ROCK2: variants seen among roughly 807,000 people sequenced by gnomAD.
The protein encoded by ROCK2 is Rho associated coiled-coil containing protein kinase 2, also known as rho-associated protein kinase 2.
A neutral mutation model predicts 195.1 loss-of-function variants in ROCK2; 61 were observed. The ratio of observed to expected loss-of-function variants is 0.31; its 90% CI spans 0.25 to 0.39. The LOEUF is 0.39. Among genes scored for constraint, ROCK2 ranks in the 10% least tolerant of loss-of-function variants. The probability of loss-of-function intolerance (pLI) is 1.00; values close to 1 mark genes in which losing one functional copy is unlikely to be tolerated. For missense variants in ROCK2, 1,109 were observed against 1,637.4 expected (o/e 0.68, Z 5.57); for synonymous variants, 504 against 545.5 (o/e 0.92, Z 1.06).
intron 17 of ROCK2, among the ~76,000 whole-genome samples, chr2:11,213,475 T>G (rs1475913291): frequency 2.0e-5 from 3 of 151,818 alleles, no homozygotes; most frequent in Non-Finnish European, 4.4e-5. Flanking sequence ...CCTTTTTCTT[T>G]TTTAAGTTTC....
chr2:11,284,179 T>C (rs1211210745), intron 3 of ROCK2, among the ~76,000 whole-genome samples: 1 of 152,148 alleles, frequency 6.6e-6, no homozygotes, highest in Non-Finnish European at 1.5e-5. Flanking sequence ...ATGATTCCAA[T>C]TACATGACAT....
rs192299087 is a variant in ROCK2, at chr2:11,342,206, G to T, written c.141+1790C>A. 1.5e-3 allele frequency among the ~76,000 whole-genome samples: 225 copies of T among 152,246 alleles called. 2 individuals carry two copies. Among genetic ancestry groups the T allele is most frequent in the Admixed American group, 0.013 (199 of 15,294 alleles). On this transcript the variant is annotated intron_variant, in intron 1 of 32. Transcript: ENST00000315872. ...AAGCATATTTAACCAACTAGAAACA[G>T]CAATAACAGAGTCTGTCAAGTCATC...
At chr2:11,254,075 A>C (rs1665929425) in intron 3 of ROCK2, among the ~76,000 whole-genome samples, 1 of 152,234 alleles carries the variant, frequency 6.6e-6, no homozygotes, top group Non-Finnish European at 1.5e-5. Context: ...GGAAAATACA[A>C]ATAAGTCCCA....
intron 27 of ROCK2, among the ~76,000 whole-genome samples, chr2:11,196,814 C>CTGGTA (rs962686153): frequency 6.6e-6 from 1 of 152,070 alleles, no homozygotes; most frequent in Non-Finnish European, 1.5e-5. Context: ...TAGAGGAACG[C>CTGGTA]TGGTAGGTGA....
At chr2:11,271,451 T>C (rs1262505357) in intron 3 of ROCK2, among the ~76,000 whole-genome samples, 1 of 152,252 alleles carries the variant, frequency 6.6e-6, no homozygotes, top group Non-Finnish European at 1.5e-5. Flanking sequence ...AATTTCTGCT[T>C]ATGAATCCTG....
intron 3 of ROCK2, among the ~76,000 whole-genome samples, chr2:11,281,018 A>C (rs762939610): frequency 1.3e-5 from 2 of 152,060 alleles, no homozygotes; most frequent in Non-Finnish European, 1.5e-5. Flanking sequence ...AAATCCAACA[A>C]TGTATTATGC....
rs754004987 is a variant in ROCK2, at chr2:11,216,210, A to T, written c.1413-4T>A. ...TTCTAGGCGAGTATTAACAGATCTA[A>T]AGAATTTCAGAAAGAAACAGTAAAT... is the stretch of plus-strand genomic sequence containing the variant. On this transcript the variant is annotated splice_polypyrimidine_tract_variant and splice_region_variant and intron_variant, in intron 12 of 32. Transcript: ENST00000315872. 6.2e-7 allele frequency: 1 copy of T among 1,604,264 alleles called. No homozygotes were observed. The highest frequency in any genetic ancestry group is 1.1e-5 in the South Asian group (1 of 90,456).
chr2:11,266,858 T>C (rs1161308102), intron 3 of ROCK2, among the ~76,000 whole-genome samples: 1 of 152,216 alleles, frequency 6.6e-6, no homozygotes, highest in Non-Finnish European at 1.5e-5. Context: ...ATCAGATTAA[T>C]GGAATGTTAA....
chr2:11,215,271 C>T (rs752373002), intron 15 of ROCK2, 50 bp downstream of exon 15: 12 of 1,450,196 alleles, frequency 8.3e-6, no homozygotes, highest in East Asian at 2.3e-5. Flanking sequence ...CTAATGTTAT[C>T]GCGTTAAAAA....
chr2:11,287,255 G>C (rs1667229089), intron 2 of ROCK2, among the ~76,000 whole-genome samples: 3 of 152,044 alleles, frequency 2.0e-5, no homozygotes, highest in African/African-American at 7.2e-5. Flanking sequence ...CCACACATAT[G>C]GTAATAATAG....
At chr2:11,219,834 C>T (rs1212725811) in intron 9 of ROCK2, among the ~76,000 whole-genome samples, 1 of 148,364 alleles carries the variant, frequency 6.7e-6, no homozygotes, top group East Asian at 2.0e-4. Context: ...CAACAATCAT[C>T]TGTTGATTAT....
chr2:11,271,778 A>G (rs12475627), intron 3 of ROCK2, among the ~76,000 whole-genome samples: 61,437 of 151,940 alleles, frequency 0.4, 12,667 homozygotes, highest in East Asian at 0.59. Flanking sequence ...CTGTAATCCC[A>G]GCACTTTGGG....
chr2:11,183,577 T>C, intron 32 of ROCK2, 137 bp from the exon 33 acceptor site: 1 of 598,378 alleles, frequency 1.7e-6, no homozygotes, highest in Non-Finnish European at 2.9e-6. Context: ...ACTAAAATCA[T>C]GCATAAACAT....
rs1489158220 is a variant in ROCK2, at chr2:11,181,191, T to A, written c.*2246A>T. 1 of 134,864 alleles carries A rather than the reference T, an allele frequency of 7.4e-6. No homozygotes were observed. The highest frequency in any genetic ancestry group is 1.7e-5 in the Non-Finnish European group (1 of 58,808). 8.4% of individuals were successfully genotyped at this position (134,864 alleles called of 1,614,324 possible). Reference sequence around the variant, plus strand: ...ATAAAGTTTATTAAAAATATATATATATATATATATATATATATACTCTCC... The same window carrying A: ...ATAAAGTTTATTAAAAATATATATAAATATATATATATATATATACTCTCC... On this transcript the variant is annotated 3_prime_UTR_variant, in exon 33 of 33. Coordinates refer to ENST00000315872, the MANE Select transcript of ROCK2 (RefSeq NM_004850.5).
intron 3 of ROCK2, among the ~76,000 whole-genome samples, chr2:11,268,765 GAGTTCA>G (rs1158437700): frequency 1.3e-5 from 2 of 152,070 alleles, no homozygotes; most frequent in African/African-American, 2.4e-5. Flanking sequence ...AGATTTCCTT[GAGTTCA>G]AGTTCATTTT....
At chr2:11,216,955 C>A in intron 12 of ROCK2, 135 bp downstream of exon 12, 1 of 492,240 alleles carries the variant, frequency 2.0e-6, no homozygotes, top group South Asian at 2.5e-5. Flanking sequence ...AACTCCTGAC[C>A]TCGTGATCCA....
rs1180054325 is a variant in ROCK2 at position 11,235,983 on chromosome 2, G to A, written c.463-21C>T. ...AAAAGCTGGAAAACAAAAGGAAAAGGAAAAATTTTTAAAAACCCAAACCAA... is the reference window on the plus strand; with the variant it reads ...AAAAGCTGGAAAACAAAAGGAAAAGAAAAAATTTTTAAAAACCCAAACCAA... On this transcript the variant is annotated intron_variant, in intron 4 of 32. Coordinates refer to ENST00000315872, the MANE Select transcript of ROCK2 (RefSeq NM_004850.5). This position sits in a 1 kb window ranked among gnomAD's most constrained non-coding sequence, Gnocchi z 4.2. 4 of 1,411,896 alleles carry A rather than the reference G, an allele frequency of 2.8e-6. No individual in the cohort carries two copies. The highest frequency in any genetic ancestry group is 2.5e-5 in the East Asian group (1 of 39,570). 87.5% of individuals were successfully genotyped at this position (1,411,896 alleles called of 1,614,324 possible). A position where few individuals can be genotyped will look rare whatever the true frequency, so the allele number is the denominator to read the frequency against.
In ROCK2 at chr2:11,236,052, TG is replaced by T. The variant is rs143359528; in HGVS notation, c.463-91del. On this transcript the variant is annotated intron_variant, in intron 4 of 32. Transcript: ENST00000315872. ...AAATTTAAAAAACTATTATTACTAT[TG>T]AAAAAGGCAAACTATTTTATAACCA... 828 of 1,182,736 alleles carry T rather than the reference TG, an allele frequency of 7.0e-4. 5 individuals carry two copies. In the African/African-American group the frequency reaches 0.01, roughly 15 times the overall value. 73.3% of individuals were successfully genotyped at this position (1,182,736 alleles called of 1,614,324 possible).
At chr2:11,209,829 C>G (rs1664186643) in intron 18 of ROCK2, among the ~76,000 whole-genome samples, 1 of 152,084 alleles carries the variant, frequency 6.6e-6, no homozygotes, top group Non-Finnish European at 1.5e-5. Flanking sequence ...GAATGGTCTT[C>G]AAAAGTGCAG....
Sources: gnomAD v4.1 joint callset for allele counts (sites outside exome capture counted in the v4.1 genomes callset) on GRCh38, gnomAD v4.1.1 for gene constraint, Gnocchi (gnomAD v3.1) non-coding constraint, MANE v1.5 for transcripts, NCBI Gene and HGNC (gene_info 2026-07-23, HGNC 2026-07-21) for gene names.